The following FOXK1 variants were observed in gnomAD, a reference collection of about 807,000 sequenced individuals.
FOXK1 encodes the protein forkhead box protein K1.
FOXK1 carries 19 observed loss-of-function variants against 51.9 expected under a neutral mutation model. The ratio of observed to expected loss-of-function variants is 0.37; its 90% confidence interval spans 0.26 to 0.54. FOXK1 has a LOEUF of 0.54. FOXK1 is among the 20% of genes least tolerant of loss of function. FOXK1 has a pLI of 0.87. For synonymous variants in FOXK1, 537 were observed against 482.6 expected (o/e 1.11, Z -1.48); for missense variants, 870 against 1,032.7 (o/e 0.84, Z 2.16).
At chr7:4,741,883 G>A (rs910171122) in intron 2 of FOXK1, among the ~76,000 whole-genome samples, 5 of 152,208 alleles carry the variant, frequency 3.3e-5, no homozygotes, top group African/African-American at 4.8e-5. Flanking sequence ...AACCTCAGGC[G>A]ACAGCCTGGA....
At chr7:4,692,127 T>TG (rs1005769989) in intron 1 of FOXK1, among the ~76,000 whole-genome samples, 1 of 152,036 alleles carries the variant, frequency 6.6e-6, no homozygotes, top group African/African-American at 2.4e-5. Flanking sequence ...AATATTTTTA[T>TG]GAAAAAAAAA....
rs527667111 is a variant in FOXK1 at position 4,723,125 on chromosome 7, C to T, written c.561-17713C>T. Among the ~76,000 whole-genome samples, 3 of 152,012 alleles carry T rather than the reference C, an allele frequency of 2.0e-5. No individual in the cohort carries two copies. Among genetic ancestry groups the T allele is most frequent in the South Asian group, 2.1e-4 (1 of 4,758 alleles). On this transcript the variant is annotated intron_variant, in intron 1 of 8. Coordinates refer to ENST00000328914, the MANE Select transcript of FOXK1 (RefSeq NM_001037165.2). The surrounding 1 kb of genome is among the most constrained non-coding windows in gnomAD (Gnocchi z 4.7). ...GGTAACGGCACCGTGCTCACTCCAACGCCGTGGCTGTGAGCGGAGCCAGCT... is the reference window on the plus strand; with the variant it reads ...GGTAACGGCACCGTGCTCACTCCAATGCCGTGGCTGTGAGCGGAGCCAGCT...
chr7:4,750,112 C>G (rs1562388495), intron 2 of FOXK1, among the ~76,000 whole-genome samples: 1 of 152,210 alleles, frequency 6.6e-6, no homozygotes, highest in East Asian at 1.9e-4. Flanking sequence ...GGGAATTGTC[C>G]TCCATATAAA....
intron 1 of FOXK1, among the ~76,000 whole-genome samples, chr7:4,724,814 G>T (rs886429679): frequency 5.3e-5 from 8 of 152,204 alleles, no homozygotes; most frequent in South Asian, 4.1e-4. Flanking sequence ...ATGGTGGGCG[G>T]TGATCCTCTG....
At chr7:4,705,543 C>CTA (rs1562372632) in intron 1 of FOXK1, among the ~76,000 whole-genome samples, 2 of 149,168 alleles carry the variant, frequency 1.3e-5, no homozygotes, top group African/African-American at 5.0e-5. Flanking sequence ...CTCTCTCTCT[C>CTA]TCTCTCTCTC....
At chr7:4,702,593 GC>G (rs1780034568) in intron 1 of FOXK1, among the ~76,000 whole-genome samples, 1 of 152,200 alleles carries the variant, frequency 6.6e-6, no homozygotes, top group Non-Finnish European at 1.5e-5. Flanking sequence ...GATCCCACCG[GC>G]CTTGGCCTCC....
At position 4,737,623 on chromosome 7, in the gene FOXK1, C is replaced by T. The variant is rs889965788; in HGVS notation, c.561-3215C>T. Reference sequence around the variant, plus strand: ...GGACACTGTGTTCATTCAGCACCGTCGTTCACAGCTGGAGTTCACCTTAGG... The same window carrying T: ...GGACACTGTGTTCATTCAGCACCGTTGTTCACAGCTGGAGTTCACCTTAGG... On this transcript the variant is annotated intron_variant, in intron 1 of 8. Coordinates refer to ENST00000328914, the MANE Select transcript of FOXK1 (RefSeq NM_001037165.2). Among the ~76,000 whole-genome samples, 5 of 152,066 alleles carry T rather than the reference C, an allele frequency of 3.3e-5. No individual in the cohort carries two copies. In the South Asian group the frequency reaches 6.2e-4, roughly 19 times the overall value.
At position 4,682,460 on chromosome 7, in the gene FOXK1, G is replaced by GGCC. The variant is rs1027159877; in HGVS notation, c.168_170dup (p.Pro59dup). The GGCC allele has an allele frequency of 9.2e-6, 9 of 982,552 alleles. No individual in the cohort carries two copies. Among genetic ancestry groups the GGCC allele is most frequent in the East Asian group, 1.1e-4 (1 of 8,786 alleles). The allele number at this position is 982,552 out of a possible 1,614,324, so 60.9% of individuals were successfully genotyped here. ...CCCGCGCAGCCCCAGCCTCCGCCCG[G>GGCC]GCCGCCGCCGCCGCCGCCACCGCCG... On this transcript the variant is annotated inframe_insertion, in exon 1 of 9. Transcript: ENST00000328914. The surrounding 1 kb of genome is among the most constrained non-coding windows in gnomAD (Gnocchi z 7.6).
At position 4,747,504 on chromosome 7, in the gene FOXK1, T is replaced by G. The variant is rs1583207589; in HGVS notation, c.746+6481T>G. ...TCTAAATTATTATTTTTAATGCTGG[T>G]TCCAATTTGGGTTTGGGGGGTTGAT... On this transcript the variant is annotated intron_variant, in intron 2 of 8. Coordinates refer to ENST00000328914, the MANE Select transcript of FOXK1 (RefSeq NM_001037165.2). This position sits in a 1 kb window ranked among gnomAD's most constrained non-coding sequence, Gnocchi z 9.2. 6.6e-6 allele frequency among the ~76,000 whole-genome samples: 1 copy of G among 152,314 alleles called. No individual in the cohort carries two copies. Among genetic ancestry groups the G allele is most frequent in the African/African-American group, 2.4e-5 (1 of 41,570 alleles).
chr7:4,739,719 G>C (rs1780606539), intron 1 of FOXK1, among the ~76,000 whole-genome samples: 1 of 152,250 alleles, frequency 6.6e-6, no homozygotes, highest in Admixed American at 6.5e-5. Flanking sequence ...CACGCTCTCT[G>C]CGACTCCCGC....
chr7:4,761,104 C>T lies in FOXK1; in HGVS notation c.1737C>T (p.Pro579=), dbSNP rs182098207. 34 of 1,613,088 alleles carry T rather than the reference C, an allele frequency of 2.1e-5. No individual in the cohort carries two copies. The East Asian group carries it at 2.9e-4, about 14-fold the overall frequency. ...EKPTIAFATI[P]AAGGVIQTVA... is the part of the protein sequence containing the mutation. ...CCACCATTGCGTTTGCCACAATCCC[C>T]GCGGCTGGTGGAGTCATCCAGACGG... Residue 579 remains proline (P), a synonymous_variant, in exon 8 of 9, where the codon CCC becomes CCT. Coordinates refer to ENST00000328914, the MANE Select transcript of FOXK1 (RefSeq NM_001037165.2). This position sits in a 1 kb window ranked among gnomAD's most constrained non-coding sequence, Gnocchi z 6.2.
At chr7:4,759,924 A>C in intron 7 of FOXK1, 1 of 377,328 alleles carries the variant, frequency 2.7e-6, no homozygotes, top group Non-Finnish European at 4.8e-6. Context: ...CCAGCTACTC[A>C]GGAGGCTGAG....
chr7:4,700,544 A>T (rs946564694), intron 1 of FOXK1, among the ~76,000 whole-genome samples: 1 of 152,100 alleles, frequency 6.6e-6, no homozygotes, highest in Non-Finnish European at 1.5e-5. Context: ...GCTCAGTGGG[A>T]TTACACCTGT....
At chr7:4,702,407 A>G (rs144618339) in intron 1 of FOXK1, among the ~76,000 whole-genome samples, 99 of 152,158 alleles carry the variant, frequency 6.5e-4, no homozygotes, top group African/African-American at 2.4e-3. Context: ...CAATGGTGCA[A>G]TCTTGGCTCG....
chr7:4,716,416 G>A (rs139940656), intron 1 of FOXK1, among the ~76,000 whole-genome samples: 1 of 152,244 alleles, frequency 6.6e-6, no homozygotes, highest in African/African-American at 2.4e-5. Context: ...TAAGGCAGGA[G>A]GATCACTTGA....
rs773143692 is a variant in FOXK1 at position 4,735,994 on chromosome 7, C to G, written c.561-4844C>G. 6.6e-6 allele frequency among the ~76,000 whole-genome samples: 1 copy of G among 152,116 alleles called. No individual in the cohort carries two copies. Among genetic ancestry groups the G allele is most frequent in the Non-Finnish European group, 1.5e-5 (1 of 68,020 alleles). The stretch of plus-strand genomic sequence containing the variant: ...CATGACCCCGTCTCTACTAAAAATA[C>G]AAAACTTAGCTGGGCTCTGTGGCGC... On this transcript the variant is annotated intron_variant, in intron 1 of 8. Coordinates refer to ENST00000328914, the MANE Select transcript of FOXK1 (RefSeq NM_001037165.2). This position sits in a 1 kb window ranked among gnomAD's most constrained non-coding sequence, Gnocchi z 4.7.
rs1050344815 is a variant in FOXK1 at position 4,708,958 on chromosome 7, G to A, written c.560+26090G>A. Among the ~76,000 whole-genome samples the A allele has an allele frequency of 5.3e-5, 8 of 151,980 alleles. No homozygotes were observed. The East Asian group carries it at 1.2e-3, about 22-fold the overall frequency. ...CGTGTGCCTGTAGTCCCAGCTACTC[G>A]GGAGACTGAGGCAGGAGAATTGCCT... On this transcript the variant is annotated intron_variant, in intron 1 of 8. Transcript: ENST00000328914.
intron 1 of FOXK1, among the ~76,000 whole-genome samples, chr7:4,688,082 A>G (rs1052970375): frequency 6.6e-6 from 1 of 152,162 alleles, no homozygotes; most frequent in Admixed American, 6.6e-5. Context: ...ACATAGACAT[A>G]GAGTAACAAG....
At chr7:4,702,778 G>A (rs1172947081) in intron 1 of FOXK1, among the ~76,000 whole-genome samples, 4 of 152,186 alleles carry the variant, frequency 2.6e-5, no homozygotes, top group Admixed American at 2.0e-4. Flanking sequence ...TCAGACATGC[G>A]TAACCCTAGT....
Sources: gnomAD v4.1 joint callset for allele counts (sites outside exome capture counted in the v4.1 genomes callset) on GRCh38, gnomAD v4.1.1 for gene constraint, Gnocchi (gnomAD v3.1) non-coding constraint, MANE v1.5 for transcripts, NCBI Gene and HGNC (gene_info 2026-07-23, HGNC 2026-07-21) for gene names.